Variants in SORCS1 observed in about 807,000 individuals in gnomAD.
SORCS1 encodes sortilin related VPS10 domain containing receptor 1.
Under a neutral mutation model 146.1 loss-of-function variants are expected in SORCS1, and 60 were observed. The ratio of observed to expected loss-of-function variants is 0.41; its 90% CI spans 0.33 to 0.51. The LOEUF (loss-of-function observed/expected upper bound fraction) is 0.51. Among genes scored for constraint, SORCS1 ranks in the 20% least tolerant of loss-of-function variants. SORCS1 has a pLI of 0.21. For synonymous variants in SORCS1, 637 were observed against 584.0 expected (o/e 1.09, Z -1.31); for missense variants, 1,352 against 1,487.6 (o/e 0.91, Z 1.50).
At chr10:107,173,705 T>C in the SORCS1 span, among the ~76,000 whole-genome samples, 1 of 152,186 alleles carries the variant, frequency 6.6e-6, no homozygotes, top group South Asian at 2.1e-4. Flanking sequence ...CATCTGGAAT[T>C]TCTTTGTATG....
At chr10:106,866,985 A>G (rs1439008553) in intron 2 of SORCS1, among the ~76,000 whole-genome samples, 1 of 152,164 alleles carries the variant, frequency 6.6e-6, no homozygotes, top group Non-Finnish European at 1.5e-5. Context: ...TCCTCCAACA[A>G]GAGTTCTTAA....
At chr10:106,645,326 G>A (rs1243321505) in intron 18 of SORCS1, among the ~76,000 whole-genome samples, 4 of 151,972 alleles carry the variant, frequency 2.6e-5, no homozygotes, top group African/African-American at 7.2e-5. Context: ...GTGCCACCAT[G>A]CCCAGCTCAT....
At chr10:107,074,786 C>A (rs1962741932) in intron 1 of SORCS1, among the ~76,000 whole-genome samples, 1 of 152,102 alleles carries the variant, frequency 6.6e-6, no homozygotes, top group Non-Finnish European at 1.5e-5. Context: ...TTGCATTTCC[C>A]TAATGAAATA....
At chr10:106,777,305 T>A (rs1269324481) in intron 3 of SORCS1, among the ~76,000 whole-genome samples, 2 of 152,234 alleles carry the variant, frequency 1.3e-5, no homozygotes, top group East Asian at 3.8e-4. Context: ...ACTTATTTAT[T>A]TTGTTTCTTG....
chr10:106,671,450 T>C (rs1289372179), intron 15 of SORCS1, 83 bp from the exon 16 acceptor site: 2 of 1,567,846 alleles, frequency 1.3e-6, no homozygotes, highest in Non-Finnish European at 1.7e-6. Flanking sequence ...TAGGGAGACA[T>C]TTGCACATCT....
chr10:106,794,897 TTTGAG>T (rs1946478823), intron 3 of SORCS1, among the ~76,000 whole-genome samples: 1 of 152,194 alleles, frequency 6.6e-6, no homozygotes, highest in Non-Finnish European at 1.5e-5. Flanking sequence ...TCAATAGGTA[TTTGAG>T]TTGAGACTCC....
intron 1 of SORCS1, among the ~76,000 whole-genome samples, chr10:107,099,901 G>A (rs997528185): frequency 6.6e-6 from 1 of 152,138 alleles, no homozygotes; most frequent in African/African-American, 2.4e-5. Flanking sequence ...AACCTGGAGG[G>A]AATACAGATA....
intron 2 of SORCS1, among the ~76,000 whole-genome samples, chr10:106,878,992 A>C (rs1950710978): frequency 6.7e-6 from 1 of 150,314 alleles, no homozygotes; most frequent in Admixed American, 6.6e-5. Flanking sequence ...CTAAAAATAC[A>C]AAAAAAAAGT....
At chr10:106,876,085 A>C (rs1435671416) in intron 2 of SORCS1, among the ~76,000 whole-genome samples, 1 of 152,090 alleles carries the variant, frequency 6.6e-6, no homozygotes, top group African/African-American at 2.4e-5. Flanking sequence ...TATTTCTTCA[A>C]TTTAAGCTCT....
chr10:107,137,111 C>T (rs1967369503), intron 1 of SORCS1, among the ~76,000 whole-genome samples: 1 of 152,196 alleles, frequency 6.6e-6, no homozygotes, highest in Non-Finnish European at 1.5e-5. Flanking sequence ...AAGGGTATCC[C>T]TTAATGTAGC....
chr10:107,105,464 C>T (rs1447427901), intron 1 of SORCS1, among the ~76,000 whole-genome samples: 1 of 152,192 alleles, frequency 6.6e-6, no homozygotes, highest in Non-Finnish European at 1.5e-5. Context: ...AAGCTAGTCC[C>T]AGTCCCAAAA....
intron 2 of SORCS1, among the ~76,000 whole-genome samples, chr10:106,948,951 ACT>A (rs1399758029): frequency 1.3e-5 from 2 of 151,358 alleles, no homozygotes; most frequent in African/African-American, 4.9e-5. Flanking sequence ...ACAGAGAAAG[ACT>A]CTGTATCCAA....
intron 1 of SORCS1, among the ~76,000 whole-genome samples, chr10:107,014,763 C>A (rs1490851060): frequency 4.6e-5 from 7 of 152,130 alleles, no homozygotes; most frequent in African/African-American, 1.4e-4. Context: ...TACAGAATTT[C>A]TAGAGAAAAA....
intron 18 of SORCS1, among the ~76,000 whole-genome samples, chr10:106,643,051 T>C (rs1362839058): frequency 1.3e-5 from 2 of 152,276 alleles, no homozygotes; most frequent in South Asian, 2.1e-4. Flanking sequence ...AAGTTCTTCT[T>C]AGAAAATGGT....
intron 3 of SORCS1, among the ~76,000 whole-genome samples, chr10:106,799,041 A>C (rs1441501719): frequency 2.6e-5 from 4 of 152,206 alleles, no homozygotes; most frequent in African/African-American, 9.7e-5. Context: ...GATATAGATC[A>C]ACGGAACAGA....
At chr10:106,942,005 G>A (rs1007624987) in intron 2 of SORCS1, among the ~76,000 whole-genome samples, 2 of 152,214 alleles carry the variant, frequency 1.3e-5, no homozygotes, top group South Asian at 2.1e-4. Context: ...GATGTGGGGG[G>A]AATTGACAAG....
chr10:106,689,035 G>A (rs561905426), intron 9 of SORCS1, among the ~76,000 whole-genome samples: 28 of 152,234 alleles, frequency 1.8e-4, no homozygotes, highest in African/African-American at 6.3e-4. Flanking sequence ...GAACATAAGA[G>A]GACAGCTTTT....
At chr10:106,805,048 C>T (rs900714375) in intron 3 of SORCS1, among the ~76,000 whole-genome samples, 3 of 151,974 alleles carry the variant, frequency 2.0e-5, no homozygotes, top group African/African-American at 7.2e-5. Context: ...ATTGTCATAA[C>T]CTTTTAAGCC....
intron 5 of SORCS1, among the ~76,000 whole-genome samples, chr10:106,746,141 T>C (rs2136142450): frequency 1.3e-5 from 2 of 152,038 alleles, no homozygotes; most frequent in South Asian, 4.2e-4. Flanking sequence ...GATTGTACCC[T>C]GGGTCAGGAA....
Sources: allele counts gnomAD v4.1 joint callset (sites outside exome capture counted in the v4.1 genomes callset), GRCh38; gene constraint gnomAD v4.1.1; transcripts MANE v1.5; gene names NCBI Gene and HGNC (gene_info 2026-07-23, HGNC 2026-07-21).